The following CRACR2A variants were observed in gnomAD, a reference collection of about 807,000 sequenced individuals.
The protein encoded by CRACR2A is EF-hand calcium-binding domain-containing protein 4B.
A neutral mutation model predicts 90.5 loss-of-function variants in CRACR2A; 79 were observed. The ratio of observed to expected loss-of-function variants is 0.87; its 90% CI spans 0.73 to 1.05. CRACR2A has a LOEUF of 1.05. Among genes scored for constraint, CRACR2A ranks in the 50% least tolerant of loss-of-function variants. The pLI is 0.00. For missense variants in CRACR2A, 823 were observed against 897.2 expected, an observed-to-expected ratio of 0.92 and a Z score of 1.06; for synonymous variants, 338 against 356.7, an observed-to-expected ratio of 0.95 and a Z score of 0.59.
At chr12:3,624,608 G>A (rs1284146494) in intron 17 of CRACR2A, among the ~76,000 whole-genome samples, 2 of 152,210 alleles carry the variant, frequency 1.3e-5, no homozygotes, top group Non-Finnish European at 2.9e-5. Context: ...CGCATTGCCT[G>A]GTCTATCATA....
At chr12:3,638,024 C>T in intron 14 of CRACR2A, 100 bp downstream of exon 14, 1 of 1,169,896 alleles carries the variant, frequency 8.5e-7, no homozygotes. Context: ...AGACCTGCAG[C>T]ATCTGACCTC....
rs964141487 is a variant in CRACR2A at position 3,705,884 on chromosome 12, G to A, written c.-37+7353C>T. ...TCAATTTTCTGGGTTGGTGTAGGGG[G>A]CATCCCTAATTTGTAGCATCTGCCT... On this transcript the variant is annotated intron_variant, in intron 3 of 19. Transcript: ENST00000440314. Among the ~76,000 whole-genome samples the A allele has an allele frequency of 2.6e-5, 4 of 152,144 alleles. No individual in the cohort carries two copies. The East Asian group carries it at 7.7e-4, about 29-fold the overall frequency.
At chr12:3,659,728 C>G in intron 7 of CRACR2A, 74 bp from the exon 8 acceptor site, 3 of 1,190,498 alleles carry the variant, frequency 2.5e-6, no homozygotes, top group Non-Finnish European at 3.8e-6. Flanking sequence ...AGCTCAGACA[C>G]CAGTTCCCCA....
chr12:3,695,555 A>G (rs1945724960), intron 4 of CRACR2A, among the ~76,000 whole-genome samples: 1 of 152,240 alleles, frequency 6.6e-6, no homozygotes, highest in Non-Finnish European at 1.5e-5. Context: ...ACCTTGGGTC[A>G]CACAGCTCCT....
At chr12:3,672,757 TC>T (rs1945269762) in intron 7 of CRACR2A, 1 of 985,476 alleles carries the variant, frequency 1.0e-6, no homozygotes, top group East Asian at 1.1e-4. Flanking sequence ...GTTCAGTTCT[TC>T]AGCAGCTTCT....
At chr12:3,703,670 A>G (rs1945870132) in intron 3 of CRACR2A, among the ~76,000 whole-genome samples, 1 of 152,264 alleles carries the variant, frequency 6.6e-6, no homozygotes, top group Non-Finnish European at 1.5e-5. Context: ...TACAAAACAC[A>G]TATCTAATAC....
chr12:3,663,805 C>A (rs947641540), intron 7 of CRACR2A, among the ~76,000 whole-genome samples: 1 of 152,124 alleles, frequency 6.6e-6, no homozygotes, highest in Non-Finnish European at 1.5e-5. Context: ...TTACAGTTGA[C>A]GTATGTGGAA....
At chr12:3,627,076 A>C (rs2137301004) in intron 17 of CRACR2A, among the ~76,000 whole-genome samples, 1 of 152,262 alleles carries the variant, frequency 6.6e-6, no homozygotes, top group South Asian at 2.1e-4. Context: ...GTTGTGACTC[A>C]AACACTGATT....
chr12:3,674,067 T>G (rs771228621), intron 6 of CRACR2A, among the ~76,000 whole-genome samples: 3 of 152,192 alleles, frequency 2.0e-5, no homozygotes, highest in Non-Finnish European at 4.4e-5. Flanking sequence ...AGGAGCCCAG[T>G]GCGTTTAAGG....
intron 7 of CRACR2A, among the ~76,000 whole-genome samples, chr12:3,665,263 G>A (rs1349392835): frequency 1.3e-5 from 2 of 152,206 alleles, no homozygotes; most frequent in East Asian, 1.9e-4. Context: ...CTTTCCCCAT[G>A]ATAGCTGGGT....
At chr12:3,667,902 TAA>T (rs1303143456) in intron 7 of CRACR2A, among the ~76,000 whole-genome samples, 1 of 152,198 alleles carries the variant, frequency 6.6e-6, no homozygotes, top group Admixed American at 6.5e-5. Context: ...AAGGAAAACG[TAA>T]GAGTTTGTAG....
In CRACR2A at chr12:3,622,906, G is replaced by GA. The variant is rs200573994; in HGVS notation, c.1933-3535dup. On this transcript the variant is annotated intron_variant, in intron 17 of 19. Transcript: ENST00000440314. ...CTTCAAGCTCAACTTGGAACGTGGA[G>GA]AAAAAAAAATCAAACTGCTATTTTT... Among the ~76,000 whole-genome samples, 593 of 151,420 alleles carry GA rather than the reference G, an allele frequency of 3.9e-3. 5 individuals carry two copies. The highest frequency in any genetic ancestry group is 0.013 in the African/African-American group (545 of 41,260).
intron 14 of CRACR2A, among the ~76,000 whole-genome samples, chr12:3,634,315 C>T (rs1436468946): frequency 1.3e-5 from 2 of 152,198 alleles, no homozygotes; most frequent in Non-Finnish European, 1.5e-5. Context: ...CTCCGTCCAT[C>T]TTATCGGTTC....
intron 17 of CRACR2A, among the ~76,000 whole-genome samples, chr12:3,623,510 TC>T (rs1461373074): frequency 6.6e-6 from 1 of 152,182 alleles, no homozygotes; most frequent in Admixed American, 6.5e-5. Context: ...TTCTATTTTC[TC>T]TACCCGACAC....
intron 2 of CRACR2A, among the ~76,000 whole-genome samples, chr12:3,723,883 G>A (rs754748924): frequency 7.2e-5 from 11 of 152,070 alleles, no homozygotes; most frequent in Non-Finnish European, 1.0e-4. Flanking sequence ...GTCATATGAC[G>A]GTGTCCATAG....
intron 1 of CRACR2A, among the ~76,000 whole-genome samples, chr12:3,734,344 C>T (rs1264473578): frequency 6.6e-6 from 1 of 152,058 alleles, no homozygotes; most frequent in Non-Finnish European, 1.5e-5. Flanking sequence ...TTTTTACCCC[C>T]ACTGATGTAC....
chr12:3,680,399 G>A (rs780045229), intron 4 of CRACR2A, 50 bp from the exon 5 acceptor site: 1 of 1,521,776 alleles, frequency 6.6e-7, no homozygotes, highest in Non-Finnish European at 9.1e-7. Flanking sequence ...CACTGGTGGG[G>A]GAGGTGACCT....
chr12:3,745,485 A>C (rs982749327), intron 1 of CRACR2A, among the ~76,000 whole-genome samples: 1 of 152,016 alleles, frequency 6.6e-6, no homozygotes, highest in African/African-American at 2.4e-5. Context: ...AAGAAATAGT[A>C]GCTTTAGGCC....
At chr12:3,664,745 G>A (rs900918802) in intron 7 of CRACR2A, among the ~76,000 whole-genome samples, 57 of 152,208 alleles carry the variant, frequency 3.7e-4, no homozygotes, top group African/African-American at 1.3e-3. Context: ...AGTGGCTCAC[G>A]CTTGTAATCC....
Sources: gnomAD v4.1 joint callset for allele counts (sites outside exome capture counted in the v4.1 genomes callset) on GRCh38, gnomAD v4.1.1 for gene constraint, MANE v1.5 for transcripts, NCBI Gene and HGNC (gene_info 2026-07-23, HGNC 2026-07-21) for gene names.